The following JPT2 variants were observed in gnomAD, a reference collection of about 807,000 sequenced individuals.
The protein encoded by JPT2 is Jupiter microtubule associated homolog 2, also known as CRAMP_1 like.
A neutral mutation model predicts 15.9 loss-of-function variants in JPT2; 9 were observed. That is an observed-to-expected ratio of 0.57 (90% CI 0.34 to 0.99). The LOEUF is 0.99. Among genes scored for constraint, JPT2 ranks in the 50% least tolerant of loss-of-function variants. The pLI is 0.02. For synonymous variants in JPT2, 95 were observed against 91.7 expected (o/e 1.04, Z -0.21); for missense variants, 267 against 252.1 (o/e 1.06, Z -0.40).
At chr16:1,693,245 C>T (rs933756210) in intron 3 of JPT2, among the ~76,000 whole-genome samples, 3 of 152,168 alleles carry the variant, frequency 2.0e-5, no homozygotes, top group African/African-American at 4.8e-5. Flanking sequence ...TACATGCATG[C>T]ACCACCACGT....
chr16:1,685,739 G>A, intron 2 of JPT2, 152 bp downstream of exon 2: 1 of 824,134 alleles, frequency 1.2e-6, no homozygotes, highest in Non-Finnish European at 1.8e-6. Flanking sequence ...GTTCTGATTT[G>A]TACTTTCTCT....
chr16:1,684,743 C>CA (rs1028991738), intron 1 of JPT2, among the ~76,000 whole-genome samples: 8 of 150,076 alleles, frequency 5.3e-5, no homozygotes, highest in African/African-American at 1.7e-4. Context: ...AACTCCGTCT[C>CA]AAAAAAAACA....
At chr16:1,687,917 G>GAA (rs1403332935) in intron 2 of JPT2, among the ~76,000 whole-genome samples, 1 of 152,218 alleles carries the variant, frequency 6.6e-6, no homozygotes, top group Non-Finnish European at 1.5e-5. Context: ...GCTTGATTGA[G>GAA]AAAAGTATGC....
At chr16:1,680,348 C>A (rs1040805795) in intron 1 of JPT2, 6 of 1,002,412 alleles carry the variant, frequency 6.0e-6, no homozygotes, top group Middle Eastern at 2.8e-4. Flanking sequence ...TATTGACTTT[C>A]ACGCTCCAGA....
rs1440629735 is a variant in JPT2 at position 1,678,419 on chromosome 16, C to T, written c.44+63C>T. The T allele has an allele frequency of 5.8e-6, 7 of 1,217,202 alleles. No homozygotes were observed. In the East Asian group the frequency reaches 1.6e-4, roughly 28 times the overall value. The allele number at this position is 1,217,202 out of a possible 1,614,324, so 75.4% of individuals were successfully genotyped here. A position where few individuals can be genotyped will look rare whatever the true frequency, so the allele number is the denominator to read the frequency against. Reference sequence around the variant, plus strand: ...CGACCACGTGGCGGGAGCGGGCCAGCCCAGGGCGTCCACCAGCCGTGTGGG... The same window carrying T: ...CGACCACGTGGCGGGAGCGGGCCAGTCCAGGGCGTCCACCAGCCGTGTGGG... On this transcript the variant is annotated intron_variant, in intron 1 of 4. Transcript: ENST00000248098.
At position 1,701,278 on chromosome 16, in the gene JPT2, T is replaced by C. The variant is rs2037178580; in HGVS notation, c.*2280T>C. ...ATTAAGCCTTAACACTTTTCTTAAG[T>C]GCATTCGGTGCCAACATTTTTTAGA... On this transcript the variant is annotated 3_prime_UTR_variant, in exon 5 of 5. Coordinates refer to ENST00000248098, the MANE Select transcript of JPT2 (RefSeq NM_144570.3). 1 of 152,782 alleles carries C rather than the reference T, an allele frequency of 6.5e-6. No individual in the cohort carries two copies. Among genetic ancestry groups the C allele is most frequent in the South Asian group, 2.1e-4 (1 of 4,832 alleles). 9.5% of individuals were successfully genotyped at this position (152,782 alleles called of 1,614,324 possible).
intron 4 of JPT2, 87 bp downstream of exon 4, chr16:1,697,947 G>A: frequency 3.3e-6 from 4 of 1,225,286 alleles, no homozygotes; most frequent in Non-Finnish European, 4.8e-6. Context: ...ATGAAAAGGA[G>A]TCTTTCTTTG....
chr16:1,683,569 G>GCTGT (rs1567468583), intron 1 of JPT2: 1 of 1,535,538 alleles, frequency 6.5e-7, no homozygotes, highest in Non-Finnish European at 8.7e-7. Flanking sequence ...TGAGTGGACA[G>GCTGT]GGGCCCTGGG....
At chr16:1,694,025 A>G (rs9888765) in intron 3 of JPT2, among the ~76,000 whole-genome samples, 21,271 of 152,188 alleles carry the variant, frequency 0.14, 2,360 homozygotes, top group African/African-American at 0.31. Flanking sequence ...GAAAGCGGGC[A>G]GATGACAGAA....
At chr16:1,702,521 C>T (rs1430481658), downstream of JPT2, among the ~76,000 whole-genome samples, 1 of 152,250 alleles carries the variant, frequency 6.6e-6, no homozygotes, top group Non-Finnish European at 1.5e-5. Flanking sequence ...GGGTTGCCAC[C>T]TCGAGCCCCG....
intron 2 of JPT2, among the ~76,000 whole-genome samples, chr16:1,687,409 C>T (rs1458639268): frequency 6.6e-6 from 1 of 152,008 alleles, no homozygotes; most frequent in African/African-American, 2.4e-5. Flanking sequence ...GAATTTAGGC[C>T]CAGGGACTCC....
intron 1 of JPT2, chr16:1,683,538 C>T (rs1400364450): frequency 3.3e-6 from 5 of 1,535,438 alleles, no homozygotes; most frequent in Non-Finnish European, 4.4e-6. Context: ...GGAAGTTTGG[C>T]ATCCACCTCC....
At chr16:1,678,795 G>A (rs2036995786) in intron 1 of JPT2, among the ~76,000 whole-genome samples, 2 of 151,832 alleles carry the variant, frequency 1.3e-5, no homozygotes, top group South Asian at 4.2e-4. Context: ...GGGGTGTGCG[G>A]CGATGTGTTC....
At chr16:1,695,405 C>CAAAA (rs35052397) in intron 3 of JPT2, among the ~76,000 whole-genome samples, 1 of 121,368 alleles carries the variant, frequency 8.2e-6, no homozygotes, top group Non-Finnish European at 1.8e-5. Flanking sequence ...AACTCCGTCC[C>CAAAA]AAAAAAAAAA....
At position 1,699,528 on chromosome 16, in the gene JPT2, A is replaced by T. The variant is rs959074799; in HGVS notation, c.*530A>T. 1.3e-5 allele frequency: 4 copies of T among 319,786 alleles called. No individual in the cohort carries two copies. The highest frequency in any genetic ancestry group is 2.5e-5 in the Non-Finnish European group (4 of 160,302). 19.8% of individuals were successfully genotyped at this position (319,786 alleles called of 1,614,324 possible). On this transcript the variant is annotated 3_prime_UTR_variant, in exon 5 of 5. Coordinates refer to ENST00000248098, the MANE Select transcript of JPT2 (RefSeq NM_144570.3). ...TGTAGTCTTTTCTTGAAACATCTTG[A>T]TTGCTTTTCCTCGGCAGCTTTCAAA... is the stretch of plus-strand genomic sequence containing the variant.
At position 1,691,980 on chromosome 16, in the gene JPT2, C is replaced by T; in HGVS notation, c.331C>T (p.Pro111Ser). The T allele has an allele frequency of 6.2e-7, 1 of 1,614,138 alleles. No homozygotes were observed. Among genetic ancestry groups the T allele is most frequent in the Non-Finnish European group, 8.5e-7 (1 of 1,180,004 alleles). The change falls in exon 3 of 5, where the codon CCC becomes TCC. Residue 111 changes from proline to serine, a missense_variant. Coordinates refer to ENST00000248098, the MANE Select transcript of JPT2 (RefSeq NM_144570.3). ...TTCACGCTTGGCACACCCAAACAAA[C>T]CCAAGGTATGGACTGCATTCAGACG... ...ATSRLAHPNK[P>S]KDHVFLCEGE... is the part of the protein sequence containing the mutation.
intron 1 of JPT2, 121 bp downstream of exon 1, chr16:1,678,477 A>C: frequency 1.0e-6 from 1 of 1,000,506 alleles, no homozygotes; most frequent in Non-Finnish European, 1.3e-6. Flanking sequence ...GGGCGACCTC[A>C]CAGAGGCCCT....
chr16:1,681,090 T>G (rs926303721), intron 1 of JPT2, among the ~76,000 whole-genome samples: 5 of 152,210 alleles, frequency 3.3e-5, no homozygotes, highest in Admixed American at 2.6e-4. Flanking sequence ...ACTCACATTG[T>G]GAATTTGTCC....
At chr16:1,682,163 G>A (rs1049186402) in intron 1 of JPT2, among the ~76,000 whole-genome samples, 35 of 151,976 alleles carry the variant, frequency 2.3e-4, no homozygotes, top group Non-Finnish European at 4.1e-4. Flanking sequence ...ATCACTTGAG[G>A]TCAGGAGTTT....
Sources: allele counts gnomAD v4.1 joint callset (sites outside exome capture counted in the v4.1 genomes callset), GRCh38; gene constraint gnomAD v4.1.1; transcripts MANE v1.5; gene names NCBI Gene and HGNC (gene_info 2026-07-23, HGNC 2026-07-21).